Variants in DOCK6 observed in about 807,000 individuals in gnomAD.
The protein encoded by DOCK6 is dedicator of cytokinesis 6.
Under a neutral mutation model 230.3 loss-of-function variants are expected in DOCK6, and 167 were observed. The observed-to-expected ratio is 0.73, with a 90% confidence interval of 0.64 to 0.82. The LOEUF (loss-of-function observed/expected upper bound fraction) is 0.82, where lower values mean the gene tolerates loss of function less well. Ranked by LOEUF, DOCK6 falls within the 40% of genes least tolerant of loss-of-function variation. DOCK6 has a pLI of 0.00. For synonymous variants in DOCK6, 1,148 were observed against 1,185.0 expected, an observed-to-expected ratio of 0.97 and a Z score of 0.64; for missense variants, 2,598 against 2,825.8, an observed-to-expected ratio of 0.92 and a Z score of 1.83.
chr19:11,227,607 G>A, intron 23 of DOCK6, 130 bp from the exon 24 acceptor site: 1 of 1,155,374 alleles, frequency 8.7e-7, no homozygotes, highest in East Asian at 2.6e-5. Context: ...GAAGGGCTGT[G>A]GGTGGAGGAG....
chr19:11,208,472 G>C, intron 39 of DOCK6: 1 of 527,070 alleles, frequency 1.9e-6, no homozygotes, highest in Non-Finnish European at 3.2e-6. Context: ...GTAGAGACAG[G>C]GTTTCACCAT....
chr19:11,229,464 G>A (rs946833929), intron 22 of DOCK6: 21 of 722,566 alleles, frequency 2.9e-5, no homozygotes, highest in African/African-American at 1.2e-4. Flanking sequence ...GAGGAAAGAC[G>A]TGTTCACACA....
Position 11,236,916 on chromosome 19 carries a change from C to T in DOCK6, c.2074-37G>A, listed in dbSNP as rs1023546174. On this transcript the variant is annotated intron_variant, in intron 18 of 47. Coordinates refer to ENST00000294618, the MANE Select transcript of DOCK6 (RefSeq NM_020812.4). The surrounding 1 kb of genome is among the most constrained non-coding windows in gnomAD (Gnocchi z 5.2). ...AGGCACCAGGTGGGCACTGGTCAGCCCTCCCTGACTGATCAGGTCACCCAG... is the reference window on the plus strand; with the variant it reads ...AGGCACCAGGTGGGCACTGGTCAGCTCTCCCTGACTGATCAGGTCACCCAG... The T allele has an allele frequency of 1.3e-6, 2 of 1,535,222 alleles. No homozygotes were observed. Among genetic ancestry groups the T allele is most frequent in the Non-Finnish European group, 1.8e-6 (2 of 1,137,208 alleles).
intron 38 of DOCK6, 37 bp downstream of exon 38, chr19:11,208,874 C>T (rs752536373): frequency 1.0e-5 from 16 of 1,598,522 alleles, no homozygotes; most frequent in Admixed American, 6.7e-5. Flanking sequence ...CCACTGCACT[C>T]GTGCCGTCCG....
intron 35 of DOCK6, among the ~76,000 whole-genome samples, chr19:11,212,635 TCACTGCAA>T (rs1314993298): frequency 6.7e-6 from 1 of 149,610 alleles, no homozygotes; most frequent in Non-Finnish European, 1.5e-5. Context: ...CAATCTTGGC[TCACTGCAA>T]CCTCCGCCTC....
intron 39 of DOCK6, 101 bp downstream of exon 39, chr19:11,208,584 TC>T (rs1216847651): frequency 6.7e-7 from 1 of 1,482,516 alleles, no homozygotes; most frequent in Non-Finnish European, 9.0e-7. Flanking sequence ...CAGCCTATTC[TC>T]CTTCTTTCTA....
In DOCK6 at chr19:11,253,652, C is replaced by G. The variant is rs763819635; in HGVS notation, c.119G>C (p.Ser40Thr). The G allele has an allele frequency of 6.9e-7, 1 of 1,448,154 alleles. No individual in the cohort carries two copies. Among genetic ancestry groups the G allele is most frequent in the Non-Finnish European group, 9.0e-7 (1 of 1,105,948 alleles). The allele number at this position is 1,448,154 out of a possible 1,614,324, so 89.7% of individuals were successfully genotyped here. ...SGSPHSSRRC[S>T]SSLGVPLTEV... is the part of the protein sequence containing the mutation. ...CCAAATACTTACCCCCAGGGAGCTGCTGCAGCGCCTGCTGGAGTGGGGGGA... is the reference window on the plus strand; with the variant it reads ...CCAAATACTTACCCCCAGGGAGCTGGTGCAGCGCCTGCTGGAGTGGGGGGA... The change falls in exon 2 of 48, where the codon AGC becomes ACC. Residue 40 changes from serine (S) to threonine (T), a missense_variant. Ser to Thr is a moderately conservative substitution (Grantham distance 58). Coordinates refer to ENST00000294618, the MANE Select transcript of DOCK6 (RefSeq NM_020812.4).
At chr19:11,215,977 G>C (rs780429059) in intron 30 of DOCK6, 50 bp from the exon 31 acceptor site, 1 of 1,610,206 alleles carries the variant, frequency 6.2e-7, no homozygotes, top group Non-Finnish European at 8.5e-7. Flanking sequence ...TCTTTTCGGG[G>C]GGACCTGGGC....
chr19:11,239,867 T>C (rs765895517), intron 14 of DOCK6: 2 of 1,598,244 alleles, frequency 1.3e-6, no homozygotes, highest in East Asian at 2.3e-5. Context: ...ATAGAACTCC[T>C]GGGGCAGGAG....
At chr19:11,214,777 G>C in intron 32 of DOCK6, 128 bp from the exon 33 acceptor site, 1 of 801,142 alleles carries the variant, frequency 1.2e-6, no homozygotes, top group Non-Finnish European at 2.0e-6. Context: ...TTTTGTTTTT[G>C]TTTTTTTTGT....
At chr19:11,209,905 C>T (rs2079341936) in intron 37 of DOCK6, among the ~76,000 whole-genome samples, 2 of 127,696 alleles carry the variant, frequency 1.6e-5, no homozygotes, top group African/African-American at 3.0e-5. Context: ...CTGTCCACCC[C>T]CTCAACTGTC....
At position 11,238,202 on chromosome 19, in the gene DOCK6, G is replaced by A; in HGVS notation, c.1746C>T (p.Pro582=). The change falls in exon 15 of 48, where the codon CCC becomes CCT. Residue 582 remains proline, a synonymous_variant. Coordinates refer to ENST00000294618, the MANE Select transcript of DOCK6 (RefSeq NM_020812.4). Reference sequence around the variant, plus strand: ...AGCCACTGACCGGCAGAGCCTGGCTGGGGTCCTCGCCTGTCATGTACTGCA... The same window carrying A: ...AGCCACTGACCGGCAGAGCCTGGCTAGGGTCCTCGCCTGTCATGTACTGCA... ...VRVQYMTGED[P]SQALPVIFGK... 1 of 1,613,718 alleles carries A rather than the reference G, an allele frequency of 6.2e-7. No homozygotes were observed. Among genetic ancestry groups the A allele is most frequent in the Non-Finnish European group, 8.5e-7 (1 of 1,179,670 alleles).
intron 22 of DOCK6, among the ~76,000 whole-genome samples, chr19:11,230,142 G>A (rs1260726698): frequency 6.6e-6 from 1 of 151,566 alleles, no homozygotes; most frequent in African/African-American, 2.4e-5. Context: ...GACCATCCTA[G>A]TCAACATGGT....
Position 11,203,762 on chromosome 19 carries a change from G to A in DOCK6, c.5235+319C>T, listed in dbSNP as rs576709572. The A allele has an allele frequency of 8.1e-6, 4 of 496,280 alleles. No homozygotes were observed. In the South Asian group the frequency reaches 8.5e-5, roughly 11 times the overall value. The allele number at this position is 496,280 out of a possible 1,614,324, so 30.7% of individuals were successfully genotyped here. A position where few individuals can be genotyped will look rare whatever the true frequency, so the allele number is the denominator to read the frequency against. ...ATAGACTGGGGAGAGATGAGAAAGAGACCAAGAGACCATGAGGGAGTCAAG... is the reference window on the plus strand; with the variant it reads ...ATAGACTGGGGAGAGATGAGAAAGAAACCAAGAGACCATGAGGGAGTCAAG... On this transcript the variant is annotated intron_variant, in intron 41 of 47. Transcript: ENST00000294618.
At chr19:11,239,437 C>T (rs1428592671) in intron 14 of DOCK6, among the ~76,000 whole-genome samples, 1 of 152,218 alleles carries the variant, frequency 6.6e-6, no homozygotes, top group African/African-American at 2.4e-5. Context: ...CCCACCCACA[C>T]CTGGCCCTGA....
chr19:11,199,533 G>C lies in DOCK6; in HGVS notation c.6108C>G (p.Ser2036=). The part of the protein sequence containing the change: ...MAPTPPGLRN[S]LNRASFRKAD... ...CCTTTCGGAAACTTGCTCTGTTCAA[G>C]GAGTTCCTGGAAAAAGAATGAGGGT... is the stretch of plus-strand genomic sequence containing the variant. The change falls in exon 48 of 48, where the codon TCC becomes TCG. Residue 2036 remains serine, a synonymous_variant. Coordinates refer to ENST00000294618, the MANE Select transcript of DOCK6 (RefSeq NM_020812.4). The C allele has an allele frequency of 6.3e-7, 1 of 1,579,052 alleles. No homozygotes were observed. Among genetic ancestry groups the C allele is most frequent in the Non-Finnish European group, 8.6e-7 (1 of 1,162,350 alleles).
Position 11,236,280 on chromosome 19 carries a change from T to G in DOCK6, c.2392+66A>C. 7.1e-7 allele frequency: 1 copy of G among 1,414,834 alleles called. No individual in the cohort carries two copies. The highest frequency in any genetic ancestry group is 9.6e-7 in the Non-Finnish European group (1 of 1,041,734). The allele number at this position is 1,414,834 out of a possible 1,614,324, so 87.6% of individuals were successfully genotyped here. A position where few individuals can be genotyped will look rare whatever the true frequency, so the allele number is the denominator to read the frequency against. ...GGTAAATGGGCTTATAGAAGATCCC[T>G]CAGGACCTCAGGACTGAGAAGCCAT... On this transcript the variant is annotated intron_variant, in intron 20 of 47. Coordinates refer to ENST00000294618, the MANE Select transcript of DOCK6 (RefSeq NM_020812.4). This position sits in a 1 kb window ranked among gnomAD's most constrained non-coding sequence, Gnocchi z 5.2.
In DOCK6 at chr19:11,202,167, C is replaced by T. The variant is rs760999197; in HGVS notation, c.5452-42G>A. 24 of 1,590,422 alleles carry T rather than the reference C, an allele frequency of 1.5e-5. No individual in the cohort carries two copies. The highest frequency in any genetic ancestry group is 2.7e-5 in the African/African-American group (2 of 74,408). On this transcript the variant is annotated intron_variant, in intron 43 of 47. Transcript: ENST00000294618. The surrounding 1 kb of genome is among the most constrained non-coding windows in gnomAD (Gnocchi z 5.3). ...GTGTGAGGATCCCACAGCCCCAGCA[C>T]GCACAGCCCAAGCCCTGTTCCTGGA...
chr19:11,211,115 C>T (rs111934202), intron 37 of DOCK6, among the ~76,000 whole-genome samples: 1,881 of 151,818 alleles, frequency 0.012, 39 homozygotes, highest in African/African-American at 0.043. Context: ...CCTGTCTCCT[C>T]GCTTATCCAA....
Sources: allele counts gnomAD v4.1 joint callset (sites outside exome capture counted in the v4.1 genomes callset), GRCh38; gene constraint gnomAD v4.1.1; non-coding constraint Gnocchi (gnomAD v3.1); transcripts MANE v1.5; gene names NCBI Gene and HGNC (gene_info 2026-07-23, HGNC 2026-07-21).